The following LRRIQ3 variants were observed in gnomAD, a reference collection of about 807,000 sequenced individuals.
The protein encoded by LRRIQ3 is leucine-rich repeat and IQ domain-containing protein 3.
Under a neutral mutation model 59.3 loss-of-function variants are expected in LRRIQ3, and 75 were observed. That is an observed-to-expected ratio of 1.26 (90% confidence interval 1.05 to 1.53). The LOEUF (loss-of-function observed/expected upper bound fraction) is 1.53. LRRIQ3 is among the 40% of genes most tolerant of loss of function. LRRIQ3 has a pLI of 0.00. For missense variants in LRRIQ3, 831 were observed against 710.0 expected (o/e 1.17, Z -1.94); for synonymous variants, 250 against 231.3 (o/e 1.08, Z -0.73).
intron 5 of LRRIQ3, among the ~76,000 whole-genome samples, chr1:74,099,675 G>A (rs1024330900): frequency 6.6e-5 from 10 of 152,056 alleles, no homozygotes; most frequent in East Asian, 1.9e-4. Flanking sequence ...CTAGCAAACC[G>A]AATCCAGCAA....
chr1:74,109,367 TA>T (rs1553166970), intron 5 of LRRIQ3, 26 bp downstream of exon 5: 1 of 1,378,174 alleles, frequency 7.3e-7, no homozygotes, highest in Non-Finnish European at 9.9e-7. Flanking sequence ...ACATTTCAAA[TA>T]AAAATAATAA....
At chr1:74,034,679 C>G (rs1264726906) in intron 7 of LRRIQ3, among the ~76,000 whole-genome samples, 1 of 150,546 alleles carries the variant, frequency 6.6e-6, no homozygotes, top group Admixed American at 6.6e-5. Flanking sequence ...AAAGTGTACA[C>G]TAAAGAAAAT....
At chr1:74,180,776 TA>T (rs755943540) in intron 3 of LRRIQ3, 11 of 1,550,066 alleles carry the variant, frequency 7.1e-6, no homozygotes, top group Admixed American at 5.9e-5. Context: ...TTTTCTCCTG[TA>T]AAATAAGACT....
intron 4 of LRRIQ3, among the ~76,000 whole-genome samples, chr1:74,151,011 CTTTTTTT>C (rs59890149): frequency 6.3e-5 from 4 of 63,414 alleles, no homozygotes; most frequent in East Asian, 1.2e-3. Context: ...ATGATGCTTT[CTTTTTTT>C]TTTTTTTTTT....
chr1:74,166,401 GTT>G (rs1648994721), intron 3 of LRRIQ3, among the ~76,000 whole-genome samples: 1 of 151,376 alleles, frequency 6.6e-6, no homozygotes, highest in African/African-American at 2.4e-5. Flanking sequence ...GATCTCCCTG[GTT>G]TCATGCATGA....
chr1:74,092,380 T>C (rs1007189701), intron 5 of LRRIQ3, among the ~76,000 whole-genome samples: 2 of 152,110 alleles, frequency 1.3e-5, no homozygotes, highest in Non-Finnish European at 2.9e-5. Context: ...ATATGGTAGC[T>C]GGAAGTGGGA....
intron 6 of LRRIQ3, among the ~76,000 whole-genome samples, chr1:74,065,652 CTT>C (rs939502408): frequency 6.6e-6 from 1 of 152,044 alleles, no homozygotes; most frequent in Non-Finnish European, 1.5e-5. Flanking sequence ...AAATGGCACA[CTT>C]ATATTTGCTA....
chr1:74,138,151 A>AAAAC (rs1326851099), intron 4 of LRRIQ3, among the ~76,000 whole-genome samples: 1 of 72,790 alleles, frequency 1.4e-5, no homozygotes, highest in African/African-American at 2.8e-5. Flanking sequence ...TTCCTTTAAA[A>AAAAC]AAACAAACAA....
chr1:74,145,027 A>C lies in LRRIQ3; in HGVS notation c.707+10706T>G, dbSNP rs182836170. ...CTTATTATGATAATATGATCTATGC[A>C]TACAAAAATAGATTAATGTACATTT... On this transcript the variant is annotated intron_variant, in intron 4 of 7. Transcript: ENST00000354431. Among the ~76,000 whole-genome samples, 452 of 152,248 alleles carry C rather than the reference A, an allele frequency of 3.0e-3. 7 individuals carry two copies. Among genetic ancestry groups the C allele is most frequent in the Non-Finnish European group, 7.9e-4 (54 of 67,988 alleles).
intron 5 of LRRIQ3, among the ~76,000 whole-genome samples, chr1:74,076,057 G>T (rs911314424): frequency 1.3e-5 from 2 of 152,098 alleles, no homozygotes; most frequent in Non-Finnish European, 2.9e-5. Context: ...TTTGCTGCCT[G>T]GAATGAAATT....
At chr1:74,151,470 G>A (rs545285896) in intron 4 of LRRIQ3, among the ~76,000 whole-genome samples, 1 of 152,050 alleles carries the variant, frequency 6.6e-6, no homozygotes, top group African/African-American at 2.4e-5. Context: ...TGAATGAATG[G>A]GGAAAAATCA....
At chr1:74,174,907 GAGCTTTATT>G (rs1649546846) in intron 3 of LRRIQ3, among the ~76,000 whole-genome samples, 2 of 152,284 alleles carry the variant, frequency 1.3e-5, no homozygotes, top group South Asian at 4.1e-4. Flanking sequence ...TTGCTAGAGA[GAGCTTTATT>G]AGTTTCCTTT....
At chr1:74,059,958 A>G (rs933378766) in intron 6 of LRRIQ3, among the ~76,000 whole-genome samples, 1 of 151,890 alleles carries the variant, frequency 6.6e-6, no homozygotes, top group African/African-American at 2.4e-5. Context: ...GTATTCTTAA[A>G]TTATTTTCAA....
intron 6 of LRRIQ3, among the ~76,000 whole-genome samples, chr1:74,069,349 T>C (rs985873807): frequency 6.6e-6 from 1 of 152,020 alleles, no homozygotes; most frequent in Non-Finnish European, 1.5e-5. Context: ...ATCTTTTCAG[T>C]ATAAATCAAG....
intron 5 of LRRIQ3, among the ~76,000 whole-genome samples, chr1:74,096,821 C>A (rs530957459): frequency 3.3e-5 from 5 of 152,146 alleles, no homozygotes; most frequent in Admixed American, 1.3e-4. Context: ...CACTCCAGAC[C>A]CTATTTGCCT....
At chr1:74,037,328 A>G (rs1242097464) in intron 7 of LRRIQ3, among the ~76,000 whole-genome samples, 3 of 152,166 alleles carry the variant, frequency 2.0e-5, no homozygotes, top group Non-Finnish European at 4.4e-5. Context: ...CAACTGAGGT[A>G]TGCAGGGTCT....
rs200323575 is a variant in LRRIQ3, at chr1:74,187,754, C to CA, written c.1-4071dup. On this transcript the variant is annotated intron_variant, in intron 1 of 7. Transcript: ENST00000354431. ...TATTGAAATAAAAATTAAAAAACAA[C>CA]AAAAAAAGTCAAAAAATAACAGATG... Among the ~76,000 whole-genome samples the CA allele has an allele frequency of 3.1e-3, 473 of 151,712 alleles. 2 individuals are homozygous for CA. Among genetic ancestry groups the CA allele is most frequent in the African/African-American group, 0.011 (461 of 41,434 alleles).
Position 74,182,685 on chromosome 1 carries a change from A to C in LRRIQ3, c.426T>G (p.His142Gln), listed in dbSNP as rs560721156. 6.2e-7 allele frequency: 1 copy of C among 1,612,542 alleles called. No homozygotes were observed. The highest frequency in any genetic ancestry group is 1.7e-5 in the Admixed American group (1 of 59,932). ...GAGGCCATATACTGTTAACAAGAAC[A>C]TGTCTATATCCTTTTTTAAGGCTTA... ...CPVSLKKGYR[H>Q]VLVNSIWPLK... Residue 142 changes from histidine (H) to glutamine (Q), a missense_variant, in exon 3 of 8, where the codon CAT (histidine) becomes CAG (glutamine). Transcript: ENST00000354431.
chr1:74,198,041 C>T lies in LRRIQ3; in HGVS notation c.-46G>A. On this transcript the variant is annotated 5_prime_UTR_variant, in exon 1 of 8. Coordinates refer to ENST00000354431, the MANE Select transcript of LRRIQ3 (RefSeq NM_001105659.2). ...CCCTTATGAGTTGGAGACAAGTGGC[C>T]CAGCCCCAACACAGTCAGACAAATC... The T allele has an allele frequency of 1.2e-6, 1 of 807,766 alleles. No individual in the cohort carries two copies. Among genetic ancestry groups the T allele is most frequent in the Non-Finnish European group, 1.8e-6 (1 of 541,922 alleles). The allele number at this position is 807,766 out of a possible 1,614,324, so 50.0% of individuals were successfully genotyped here.
Sources: allele counts gnomAD v4.1 joint callset (sites outside exome capture counted in the v4.1 genomes callset), GRCh38; gene constraint gnomAD v4.1.1; transcripts MANE v1.5; gene names NCBI Gene and HGNC (gene_info 2026-07-23, HGNC 2026-07-21).